TM9SF3: variants seen among roughly 807,000 people sequenced by gnomAD.
TM9SF3 encodes the protein transmembrane 9 superfamily member 3, also known as SM-11044-binding protein.
In TM9SF3, 14 loss-of-function variants were observed where a neutral mutation model predicts 78.6. That is an observed-to-expected ratio of 0.18 (90% CI 0.12 to 0.28). The LOEUF (loss-of-function observed/expected upper bound fraction) is 0.28, where lower values mean the gene tolerates loss of function less well. Among genes scored for constraint, TM9SF3 ranks in the 10% least tolerant of loss-of-function variants. The probability of loss-of-function intolerance (pLI) is 1.00; values close to 1 mark genes in which losing one functional copy is unlikely to be tolerated. For synonymous variants in TM9SF3, 231 were observed against 241.7 expected, an observed-to-expected ratio of 0.96 and a Z score of 0.41; for missense variants, 496 against 721.9, an observed-to-expected ratio of 0.69 and a Z score of 3.59.
At chr10:96,525,187 G>C (rs1476828671) in intron 14 of TM9SF3, among the ~76,000 whole-genome samples, 3 of 151,912 alleles carry the variant, frequency 2.0e-5, no homozygotes, top group African/African-American at 7.3e-5. Flanking sequence ...AAAATAAAGA[G>C]GAGTCCAGTG....
intron 2 of TM9SF3, among the ~76,000 whole-genome samples, chr10:96,570,870 C>CG (rs1848430492): frequency 1.3e-5 from 2 of 152,086 alleles, no homozygotes; most frequent in African/African-American, 4.8e-5. Flanking sequence ...CTCGGCTTCC[C>CG]GGGTAGCTGG....
At chr10:96,527,159 G>T in intron 14 of TM9SF3, 54 bp downstream of exon 14, 1 of 1,450,276 alleles carries the variant, frequency 6.9e-7, no homozygotes, top group Non-Finnish European at 9.5e-7. Flanking sequence ...TGTATTTTTC[G>T]GATTTAGAGA....
At chr10:96,569,949 G>A (rs537987800) in intron 2 of TM9SF3, among the ~76,000 whole-genome samples, 2 of 151,994 alleles carry the variant, frequency 1.3e-5, no homozygotes, top group Non-Finnish European at 2.9e-5. Context: ...GGAGAATCGC[G>A]TGAGGTTGCA....
At position 96,533,061 on chromosome 10, in the gene TM9SF3, C is replaced by G. The variant is rs1332759983; in HGVS notation, c.1315G>C (p.Glu439Gln). ...RVNAVPRPIPEKKWFMEPAVI... is the reference protein window; with the variant it reads ...RVNAVPRPIPQKKWFMEPAVI... The stretch of plus-strand genomic sequence containing the variant: ...TAGCATTCTCTTTACCATTTTTTCT[C>G]CGGTATAGGACGAGGCACAGCATTG... Residue 439 changes from glutamate to glutamine, a missense_variant, in exon 10 of 15, where the codon GAG becomes CAG. Physicochemically the swap from Glu to Gln is conservative, Grantham distance 29. Coordinates refer to ENST00000371142, the MANE Select transcript of TM9SF3 (RefSeq NM_020123.4). 6.2e-7 allele frequency: 1 copy of G among 1,611,910 alleles called. No homozygotes were observed. Among genetic ancestry groups the G allele is most frequent in the South Asian group, 1.1e-5 (1 of 90,746 alleles).
chr10:96,528,260 T>G (rs762050739), intron 11 of TM9SF3, 83 bp from the exon 12 acceptor site: 27 of 1,357,608 alleles, frequency 2.0e-5, no homozygotes, highest in Non-Finnish European at 2.6e-5. Flanking sequence ...ACATTTTAGT[T>G]CTCATTTTTT....
At position 96,557,834 on chromosome 10, in the gene TM9SF3, G is replaced by A. The variant is rs560432067; in HGVS notation, c.660+1825C>T. Among the ~76,000 whole-genome samples the A allele has an allele frequency of 2.7e-4, 41 of 152,224 alleles. 1 individual carries two copies. The South Asian group carries it at 7.9e-3, about 29-fold the overall frequency. On this transcript the variant is annotated intron_variant, in intron 5 of 14. Coordinates refer to ENST00000371142, the MANE Select transcript of TM9SF3 (RefSeq NM_020123.4). ...CATAATATAAAACTGCAACTTACCCGACCCCTGGTACTCTTGTTCTGCTGT... is the reference window on the plus strand; with the variant it reads ...CATAATATAAAACTGCAACTTACCCAACCCCTGGTACTCTTGTTCTGCTGT...
Position 96,520,978 on chromosome 10 carries a change from A to G in TM9SF3, c.*1285T>C. The G allele has an allele frequency of 2.5e-6, 1 of 396,838 alleles. No individual in the cohort carries two copies. Among genetic ancestry groups the G allele is most frequent in the Non-Finnish European group, 4.5e-6 (1 of 224,294 alleles). The allele number at this position is 396,838 out of a possible 1,614,324, so 24.6% of individuals were successfully genotyped here. On this transcript the variant is annotated 3_prime_UTR_variant, in exon 15 of 15. Transcript: ENST00000371142. ...AAATTGCAAACACATCTATTTCCACAAAACAATTTGGTCAGGAAATTTTAT... is the reference window on the plus strand; with the variant it reads ...AAATTGCAAACACATCTATTTCCACGAAACAATTTGGTCAGGAAATTTTAT...
chr10:96,556,770 T>C (rs1411678403), intron 5 of TM9SF3, among the ~76,000 whole-genome samples: 1 of 152,142 alleles, frequency 6.6e-6, no homozygotes, highest in Non-Finnish European at 1.5e-5. Flanking sequence ...CCGTCTCCAA[T>C]TCCTCTTTTC....
intron 8 of TM9SF3, among the ~76,000 whole-genome samples, chr10:96,545,896 AATCAAT>A (rs1250803083): frequency 1.3e-4 from 1 of 7,674 alleles, no homozygotes; most frequent in Non-Finnish European, 5.0e-4. Flanking sequence ...TCTCAAAATC[AATCAAT>A]CAATCAATCA....
Position 96,521,157 on chromosome 10 carries a change from C to T in TM9SF3, c.*1106G>A, listed in dbSNP as rs1847763897. Reference sequence around the variant, plus strand: ...AACCCCCCTCCCAAAAGAAGTATGACACACACATTTTGAAGAAACCCCAAT... The same window carrying T: ...AACCCCCCTCCCAAAAGAAGTATGATACACACATTTTGAAGAAACCCCAAT... On this transcript the variant is annotated 3_prime_UTR_variant, in exon 15 of 15. Transcript: ENST00000371142. 3 of 349,226 alleles carry T rather than the reference C, an allele frequency of 8.6e-6. No homozygotes were observed. Among genetic ancestry groups the T allele is most frequent in the South Asian group, 1.5e-4 (1 of 6,584 alleles). The allele number at this position is 349,226 out of a possible 1,614,324, so 21.6% of individuals were successfully genotyped here. A position where few individuals can be genotyped will look rare whatever the true frequency, so the allele number is the denominator to read the frequency against.
At chr10:96,527,939 A>T (rs1847856660) in intron 12 of TM9SF3, 92 bp downstream of exon 12, 1 of 1,282,014 alleles carries the variant, frequency 7.8e-7, no homozygotes, top group Admixed American at 2.4e-5. Context: ...ACATTTCTAT[A>T]CAGCTCTTTA....
At position 96,551,290 on chromosome 10, in the gene TM9SF3, G is replaced by A; in HGVS notation, c.914C>T (p.Ser305Phe). ...IGSGCQIFAVSLIVIIVAMIE... is the reference protein window; with the variant it reads ...IGSGCQIFAVFLIVIIVAMIE... ...CATTGCAACAATAATAACGATGAGA[G>A]ACACAGCAAATATCTGACATCCAGA... The change falls in exon 7 of 15, where the codon TCT becomes TTT. Residue 305 changes from serine to phenylalanine, a missense_variant. Coordinates refer to ENST00000371142, the MANE Select transcript of TM9SF3 (RefSeq NM_020123.4). 6.2e-7 allele frequency: 1 copy of A among 1,612,682 alleles called. No individual in the cohort carries two copies. The highest frequency in any genetic ancestry group is 2.2e-5 in the East Asian group (1 of 44,764).
At chr10:96,559,554 T>C (rs957658673) in intron 5 of TM9SF3, 105 bp downstream of exon 5, 4 of 689,144 alleles carry the variant, frequency 5.8e-6, no homozygotes, top group East Asian at 3.1e-5. Flanking sequence ...CTAAATCTTT[T>C]AATCCACAGT....
In TM9SF3 at chr10:96,576,542, G is replaced by A. The variant is rs1848498686; in HGVS notation, c.298+92C>T. The A allele has an allele frequency of 9.1e-6, 11 of 1,212,824 alleles. No individual in the cohort carries two copies. In the South Asian group the frequency reaches 1.7e-4, roughly 19 times the overall value. The allele number at this position is 1,212,824 out of a possible 1,614,324, so 75.1% of individuals were successfully genotyped here. A position where few individuals can be genotyped will look rare whatever the true frequency, so the allele number is the denominator to read the frequency against. Reference sequence around the variant, plus strand: ...GTACATAACAGCTCCATACAACAAAGAATTATCCAACACCAGTGTCAATAG... The same window carrying A: ...GTACATAACAGCTCCATACAACAAAAAATTATCCAACACCAGTGTCAATAG... On this transcript the variant is annotated intron_variant, in intron 2 of 14. Coordinates refer to ENST00000371142, the MANE Select transcript of TM9SF3 (RefSeq NM_020123.4).
intron 3 of TM9SF3, 29 bp from the exon 4 acceptor site, chr10:96,562,167 G>T: frequency 1.3e-6 from 2 of 1,499,750 alleles, no homozygotes; most frequent in Non-Finnish European, 1.8e-6. Flanking sequence ...TTTATACAAG[G>T]TAAAACCACT....
At chr10:96,582,262 T>C (rs1369115096) in intron 1 of TM9SF3, among the ~76,000 whole-genome samples, 1 of 152,214 alleles carries the variant, frequency 6.6e-6, no homozygotes, top group African/African-American at 2.4e-5. Flanking sequence ...AACTATGGAA[T>C]TACATGTAAA....
intron 10 of TM9SF3, among the ~76,000 whole-genome samples, chr10:96,531,356 T>C (rs1480146172): frequency 6.6e-6 from 1 of 151,782 alleles, no homozygotes; most frequent in Non-Finnish European, 1.5e-5. Context: ...CACGCTATAC[T>C]GTAACTGTCC....
At chr10:96,569,849 T>C (rs1255577887) in intron 2 of TM9SF3, among the ~76,000 whole-genome samples, 2 of 152,074 alleles carry the variant, frequency 1.3e-5, no homozygotes, top group East Asian at 1.9e-4. Flanking sequence ...CTGGCCAACA[T>C]GGTGAAACCC....
intron 2 of TM9SF3, among the ~76,000 whole-genome samples, chr10:96,568,873 C>G (rs113442961): frequency 3.9e-4 from 59 of 152,170 alleles, no homozygotes; most frequent in Admixed American, 1.1e-3. Context: ...TCTATGCTAT[C>G]TCCTTCCCAG....
Sources: allele counts gnomAD v4.1 joint callset (sites outside exome capture counted in the v4.1 genomes callset), GRCh38; gene constraint gnomAD v4.1.1; transcripts MANE v1.5; gene names NCBI Gene and HGNC (gene_info 2026-07-23, HGNC 2026-07-21).